Variants in RAB28 observed in about 807,000 individuals in gnomAD.
RAB28 encodes the protein ras-related protein Rab-28.
Under a neutral mutation model 31.7 loss-of-function variants are expected in RAB28, and 24 were observed. That is an observed-to-expected ratio of 0.76 (90% CI 0.55 to 1.06). RAB28 has a LOEUF of 1.06. RAB28 is among the 50% of genes least tolerant of loss of function. The pLI, the probability that RAB28 is intolerant of heterozygous loss-of-function variation, is 0.00. For missense variants in RAB28, 254 were observed against 258.5 expected (o/e 0.98, Z 0.12); for synonymous variants, 100 against 90.4 (o/e 1.11, Z -0.60).
At chr4:13,374,024 T>G (rs916804241) in intron 6 of RAB28, among the ~76,000 whole-genome samples, 1 of 152,042 alleles carries the variant, frequency 6.6e-6, no homozygotes, top group East Asian at 1.9e-4. Context: ...GTCTTTTAGA[T>G]GAACTTGCCA....
intron 4 of RAB28, among the ~76,000 whole-genome samples, chr4:13,392,087 A>G (rs890606073): frequency 2.0e-5 from 3 of 152,148 alleles, no homozygotes; most frequent in Non-Finnish European, 4.4e-5. Flanking sequence ...CTTAAAGTAT[A>G]ATTTTTTAAA....
At chr4:13,378,326 T>G (rs1258072393) in intron 5 of RAB28, among the ~76,000 whole-genome samples, 2 of 151,998 alleles carry the variant, frequency 1.3e-5, no homozygotes, top group African/African-American at 4.8e-5. Flanking sequence ...CTTAATAAAA[T>G]AAGATGAGGG....
chr4:13,436,159 C>T (rs1470093017), intron 4 of RAB28, among the ~76,000 whole-genome samples: 1 of 152,066 alleles, frequency 6.6e-6, no homozygotes, highest in African/African-American at 2.4e-5. Flanking sequence ...TGCAACATCC[C>T]TTAATGATAA....
intron 4 of RAB28, among the ~76,000 whole-genome samples, chr4:13,434,055 A>G (rs960737864): frequency 2.2e-4 from 34 of 152,196 alleles, no homozygotes; most frequent in African/African-American, 8.0e-4. Flanking sequence ...ATGAATTAAC[A>G]TAGAAACAGA....
intron 4 of RAB28, among the ~76,000 whole-genome samples, chr4:13,400,539 A>G (rs1294346937): frequency 6.6e-6 from 1 of 152,074 alleles, no homozygotes; most frequent in Non-Finnish European, 1.5e-5. Context: ...TTCAATTTGT[A>G]TGTTTTATAT....
intron 6 of RAB28, chr4:13,371,698 G>A (rs1728719044): frequency 1.3e-6 from 2 of 1,519,678 alleles, no homozygotes; most frequent in Admixed American, 4.3e-5. Flanking sequence ...TAATTTCCAT[G>A]TCATAAACTT....
Position 13,384,364 on chromosome 4 carries a change from AC to A in RAB28, c.392-2771del, listed in dbSNP as rs1393677565. Among the ~76,000 whole-genome samples, 17 of 152,234 alleles carry A rather than the reference AC, an allele frequency of 1.1e-4. No homozygotes were observed. The East Asian group carries it at 2.9e-3, about 26-fold the overall frequency. On this transcript the variant is annotated intron_variant, in intron 4 of 6. Transcript: ENST00000330852. ...ACCCTGCTGCAGTTGATGAGTGTGT[AC>A]CCCACCGTGCTGCTGCTGCTGCTGC... is the stretch of plus-strand genomic sequence containing the variant.
chr4:13,374,967 A>G (rs1022462824), intron 6 of RAB28, among the ~76,000 whole-genome samples: 1 of 152,174 alleles, frequency 6.6e-6, no homozygotes, highest in Non-Finnish European at 1.5e-5. Context: ...ATTTTAACCA[A>G]ACTGCTCTTC....
chr4:13,416,173 C>T (rs1712768670), intron 4 of RAB28, among the ~76,000 whole-genome samples: 1 of 152,164 alleles, frequency 6.6e-6, no homozygotes, highest in African/African-American at 2.4e-5. Flanking sequence ...CCAGCAGTAG[C>T]AACCTGCTCA....
intron 4 of RAB28, among the ~76,000 whole-genome samples, chr4:13,414,684 T>C (rs905990643): frequency 5.3e-5 from 8 of 152,168 alleles, no homozygotes; most frequent in Non-Finnish European, 8.8e-5. Flanking sequence ...AAAGCAAAGA[T>C]TGTACATAAA....
chr4:13,405,311 T>C (rs1374953195), intron 4 of RAB28, among the ~76,000 whole-genome samples: 2 of 152,132 alleles, frequency 1.3e-5, no homozygotes, highest in African/African-American at 2.4e-5. Context: ...GTGTATCTCA[T>C]GGGTGCAATA....
chr4:13,465,947 A>T (rs958385114), intron 3 of RAB28, among the ~76,000 whole-genome samples: 1 of 151,966 alleles, frequency 6.6e-6, no homozygotes, highest in Non-Finnish European at 1.5e-5. Context: ...TTTTTCAACA[A>T]CAGAGCCAGA....
At chr4:13,382,575 A>C (rs939089990) in intron 4 of RAB28, among the ~76,000 whole-genome samples, 1 of 152,084 alleles carries the variant, frequency 6.6e-6, no homozygotes, top group African/African-American at 2.4e-5. Flanking sequence ...ACTTTATTTA[A>C]AATTATATTG....
At chr4:13,469,784 A>G (rs114151226) in intron 3 of RAB28, among the ~76,000 whole-genome samples, 8,519 of 151,862 alleles carry the variant, frequency 0.056, 544 homozygotes, top group African/African-American at 0.16. Flanking sequence ...AAACTCCTGG[A>G]CTCAAATAAT....
intron 1 of RAB28, among the ~76,000 whole-genome samples, chr4:13,483,840 C>A (rs1224603422): frequency 1.3e-5 from 2 of 152,342 alleles, no homozygotes; most frequent in East Asian, 3.9e-4. Flanking sequence ...TGCAGGAGTT[C>A]GCAATCCAGG....
chr4:13,433,655 T>A (rs1194008594), intron 4 of RAB28, among the ~76,000 whole-genome samples: 2 of 148,976 alleles, frequency 1.3e-5, no homozygotes, highest in East Asian at 2.0e-4. Flanking sequence ...TAAAAAAAAA[T>A]AATAGATGCT....
At chr4:13,393,941 T>C (rs937682637) in intron 4 of RAB28, among the ~76,000 whole-genome samples, 6 of 151,432 alleles carry the variant, frequency 4.0e-5, no homozygotes, top group African/African-American at 1.5e-4. Flanking sequence ...TATGACCACC[T>C]ATTATATGTC....
chr4:13,460,459 C>G (rs1715535826), intron 4 of RAB28, among the ~76,000 whole-genome samples: 2 of 152,134 alleles, frequency 1.3e-5, no homozygotes, highest in Admixed American at 1.3e-4. Context: ...CAAGCAATCC[C>G]CCTGCCTTGG....
At chr4:13,371,048 A>T in intron 6 of RAB28, 3 of 983,710 alleles carry the variant, frequency 3.0e-6, no homozygotes, top group Non-Finnish European at 3.6e-6. Flanking sequence ...CTATTAATTT[A>T]TTAAGATAGA....
Sources: allele counts gnomAD v4.1 joint callset (sites outside exome capture counted in the v4.1 genomes callset), GRCh38; gene constraint gnomAD v4.1.1; transcripts MANE v1.5; gene names NCBI Gene and HGNC (gene_info 2026-07-23, HGNC 2026-07-21).